AKT2: variants seen among roughly 807,000 people sequenced by gnomAD.
The protein encoded by AKT2 is RAC-beta serine/threonine-protein kinase.
A neutral mutation model predicts 58.6 loss-of-function variants in AKT2; 16 were observed. That is an observed-to-expected ratio of 0.27 (90% CI 0.18 to 0.41). The LOEUF is 0.41. AKT2 is among the 10% of genes least tolerant of loss of function. The probability of loss-of-function intolerance (pLI) is 1.00; values close to 1 mark genes in which losing one functional copy is unlikely to be tolerated. For synonymous variants in AKT2, 253 were observed against 254.0 expected, an observed-to-expected ratio of 1.00 and a Z score of 0.04; for missense variants, 438 against 661.0, an observed-to-expected ratio of 0.66 and a Z score of 3.70.
chr19:40,267,708 T>G (rs1976459629), intron 1 of AKT2, among the ~76,000 whole-genome samples: 1 of 152,058 alleles, frequency 6.6e-6, no homozygotes, highest in African/African-American at 2.4e-5. Context: ...ACTACCAGAC[T>G]CTCTTCATGA....
At chr19:40,265,192 A>G in intron 2 of AKT2, 30 bp downstream of exon 2, 1 of 1,609,226 alleles carries the variant, frequency 6.2e-7, no homozygotes, top group Non-Finnish European at 8.5e-7. Context: ...CGTGGGAGAA[A>G]GAATCTGGCG....
Position 40,257,069 on chromosome 19 carries a change from G to C in AKT2, c.47-15C>G. On this transcript the variant is annotated splice_polypyrimidine_tract_variant and intron_variant, in intron 2 of 13. Transcript: ENST00000392038. ...GATGTATTCACCTGAAATGAGGCAG[G>C]AAGGGAGGGAGAGAGGTTAGGACAA... The C allele has an allele frequency of 6.2e-7, 1 of 1,613,860 alleles. No homozygotes were observed. The highest frequency in any genetic ancestry group is 1.6e-4 in the Middle Eastern group (1 of 6,062).
At chr19:40,275,535 C>A in intron 1 of AKT2, 1 of 359,874 alleles carries the variant, frequency 2.8e-6, no homozygotes, top group Non-Finnish European at 5.6e-6. Context: ...GCCACATGCA[C>A]ACAGTCACAG....
chr19:40,268,424 G>A (rs1257164247), intron 1 of AKT2, among the ~76,000 whole-genome samples: 1 of 152,210 alleles, frequency 6.6e-6, no homozygotes, highest in Admixed American at 6.5e-5. Flanking sequence ...GCCAAGAGTG[G>A]TCTGGGTTCC....
At chr19:40,260,986 A>T (rs1210844206) in intron 2 of AKT2, among the ~76,000 whole-genome samples, 1 of 152,268 alleles carries the variant, frequency 6.6e-6, no homozygotes, top group Non-Finnish European at 1.5e-5. Context: ...AAGTTAAAGA[A>T]GCCAGTCACA....
chr19:40,236,147 G>A (rs779621354), intron 10 of AKT2, 43 bp from the exon 11 acceptor site: 1 of 1,613,564 alleles, frequency 6.2e-7, no homozygotes, highest in African/African-American at 1.3e-5. Flanking sequence ...GTGGCCCTGA[G>A]GCTGGCATCA....
At chr19:40,282,854 A>C in intron 1 of AKT2, 1 of 180,942 alleles carries the variant, frequency 5.5e-6, no homozygotes, top group Non-Finnish European at 1.2e-5. Context: ...GACAAAAGCC[A>C]CTCCTCCAGT....
chr19:40,250,105 G>A (rs932802352), intron 4 of AKT2, among the ~76,000 whole-genome samples: 5 of 152,206 alleles, frequency 3.3e-5, no homozygotes, highest in Admixed American at 2.6e-4. Context: ...TGGAGAGGTC[G>A]CTGGATCATA....
At chr19:40,278,181 G>A (rs536394881) in intron 1 of AKT2, among the ~76,000 whole-genome samples, 3 of 152,354 alleles carry the variant, frequency 2.0e-5, no homozygotes, top group Non-Finnish European at 4.4e-5. Context: ...AGTCATAGCA[G>A]GCAGGGCAAG....
chr19:40,262,084 C>G (rs1976007153), intron 2 of AKT2, among the ~76,000 whole-genome samples: 1 of 151,814 alleles, frequency 6.6e-6, no homozygotes, highest in African/African-American at 2.4e-5. Context: ...TTATCTGTGG[C>G]CTTTCATACT....
Position 40,236,403 on chromosome 19 carries a change from G to C in AKT2, c.832-18C>G. ...TTTTCCAGCTGTTGGAAAAGTCAAC[G>C]GATCTCAGGTGCATGCTCCCAAGGC... is the stretch of plus-strand genomic sequence containing the variant. On this transcript the variant is annotated intron_variant, in intron 9 of 13. Coordinates refer to ENST00000392038, the MANE Select transcript of AKT2 (RefSeq NM_001626.6). 6.2e-7 allele frequency: 1 copy of C among 1,613,998 alleles called. No individual in the cohort carries two copies. The highest frequency in any genetic ancestry group is 8.5e-7 in the Non-Finnish European group (1 of 1,180,028).
rs1481818194 is a variant in AKT2, at chr19:40,257,070, A to G, written c.47-16T>C. The stretch of plus-strand genomic sequence containing the variant: ...ATGTATTCACCTGAAATGAGGCAGG[A>G]AGGGAGGGAGAGAGGTTAGGACAAG... On this transcript the variant is annotated splice_polypyrimidine_tract_variant and intron_variant, in intron 2 of 13. Coordinates refer to ENST00000392038, the MANE Select transcript of AKT2 (RefSeq NM_001626.6). The G allele has an allele frequency of 6.2e-7, 1 of 1,613,650 alleles. No homozygotes were observed.
intron 4 of AKT2, among the ~76,000 whole-genome samples, chr19:40,254,732 G>C (rs184889038): frequency 2.6e-3 from 401 of 152,230 alleles, no homozygotes; most frequent in Non-Finnish European, 4.4e-3. Flanking sequence ...GGGAGGCTGA[G>C]GCAGGAAAAT....
At chr19:40,240,382 C>A (rs1474518855) in intron 6 of AKT2, 1 of 661,380 alleles carries the variant, frequency 1.5e-6, no homozygotes, top group Non-Finnish European at 2.9e-6. Flanking sequence ...CCTGTGACGT[C>A]CCTGCAAGGG....
intron 4 of AKT2, among the ~76,000 whole-genome samples, chr19:40,247,409 C>T (rs1405306451): frequency 6.6e-6 from 1 of 152,204 alleles, no homozygotes; most frequent in African/African-American, 2.4e-5. Context: ...GGTGGAGTCA[C>T]CTGTGAAGGT....
intron 10 of AKT2, 29 bp downstream of exon 10, chr19:40,236,228 A>G (rs1974017073): frequency 1.2e-6 from 2 of 1,613,144 alleles, no homozygotes; most frequent in Non-Finnish European, 8.5e-7. Context: ...TTGGCCTCAC[A>G]CGTTCCTACC....
intron 9 of AKT2, chr19:40,236,747 G>A (rs984616459): frequency 5.9e-6 from 2 of 338,366 alleles, no homozygotes; most frequent in Non-Finnish European, 1.2e-5. Context: ...TATGCAGCCA[G>A]GCAAAGTGGC....
At chr19:40,254,244 T>A (rs1568546318) in intron 4 of AKT2, among the ~76,000 whole-genome samples, 2 of 152,210 alleles carry the variant, frequency 1.3e-5, no homozygotes, top group African/African-American at 4.8e-5. Flanking sequence ...ATTAAGAATG[T>A]AGGTCCTGCC....
chr19:40,282,440 C>T, intron 1 of AKT2: 1 of 472,214 alleles, frequency 2.1e-6, no homozygotes, highest in Non-Finnish European at 4.3e-6. Flanking sequence ...TCTCCCAGCA[C>T]ACACCTGCCC....
Sources: allele counts gnomAD v4.1 joint callset (sites outside exome capture counted in the v4.1 genomes callset), GRCh38; gene constraint gnomAD v4.1.1; transcripts MANE v1.5; gene names NCBI Gene and HGNC (gene_info 2026-07-23, HGNC 2026-07-21).